PDGFC: variants seen among roughly 807,000 people sequenced by gnomAD.
PDGFC encodes the protein platelet derived growth factor C.
Under a neutral mutation model 35.5 loss-of-function variants are expected in PDGFC, and 12 were observed. The ratio of observed to expected loss-of-function variants is 0.34; its 90% CI spans 0.22 to 0.55. The LOEUF (loss-of-function observed/expected upper bound fraction) is 0.55, where lower values mean the gene tolerates loss of function less well. PDGFC is among the 20% of genes least tolerant of loss of function. The pLI, the probability that PDGFC is intolerant of heterozygous loss-of-function variation, is 0.91. For missense variants in PDGFC, 322 were observed against 412.4 expected, an observed-to-expected ratio of 0.78 and a Z score of 1.90; for synonymous variants, 159 against 148.8, an observed-to-expected ratio of 1.07 and a Z score of -0.50.
intron 1 of PDGFC, 134 bp downstream of exon 1, chr4:156,970,652 G>T: frequency 1.5e-6 from 1 of 684,508 alleles, no homozygotes; most frequent in Non-Finnish European, 2.7e-6. Context: ...GCCAATGAAC[G>T]CAGCGCACAT....
At chr4:156,773,930 C>T (rs1730752577) in intron 3 of PDGFC, among the ~76,000 whole-genome samples, 2 of 152,214 alleles carry the variant, frequency 1.3e-5, no homozygotes, top group Admixed American at 6.5e-5. Context: ...ATCGGCTCTT[C>T]CTTTTCATTC....
chr4:156,778,917 G>T (rs1730899616), intron 3 of PDGFC, among the ~76,000 whole-genome samples: 1 of 152,140 alleles, frequency 6.6e-6, no homozygotes, highest in Admixed American at 6.5e-5. Context: ...CAAAAGGTTA[G>T]GAATGCAGAT....
At chr4:156,925,497 GGCGGGTA>G (rs1731386406) in intron 1 of PDGFC, among the ~76,000 whole-genome samples, 1 of 152,094 alleles carries the variant, frequency 6.6e-6, no homozygotes, top group African/African-American at 2.4e-5. Flanking sequence ...ACATGGTACT[GGCGGGTA>G]CCTTTAAGAA....
At chr4:156,900,309 G>A (rs977013869) in intron 1 of PDGFC, among the ~76,000 whole-genome samples, 3 of 152,160 alleles carry the variant, frequency 2.0e-5, no homozygotes, top group African/African-American at 7.2e-5. Flanking sequence ...GCAATGCCAT[G>A]CATTTAATGA....
intron 1 of PDGFC, among the ~76,000 whole-genome samples, chr4:156,933,178 A>G (rs368593216): frequency 6.6e-6 from 1 of 152,212 alleles, no homozygotes; most frequent in Non-Finnish European, 1.5e-5. Flanking sequence ...CCCACAGTAG[A>G]TATCACTAGC....
intron 2 of PDGFC, among the ~76,000 whole-genome samples, chr4:156,833,611 T>C (rs912489788): frequency 2.0e-5 from 3 of 152,232 alleles, no homozygotes; most frequent in Admixed American, 6.5e-5. Context: ...TTTAGTTTTA[T>C]GATGAACAGG....
chr4:156,833,069 T>C (rs1258740615), intron 2 of PDGFC, among the ~76,000 whole-genome samples: 1 of 152,232 alleles, frequency 6.6e-6, no homozygotes, highest in Non-Finnish European at 1.5e-5. Context: ...GGTGAATTTC[T>C]GAAGGCAAAT....
rs1732575324 is a variant in PDGFC, at chr4:156,970,833, G to C, written c.71C>G (p.Ser24Cys). The stretch of plus-strand genomic sequence containing the variant: ...AAACTGGAATTTACTACTCAGGTTG[G>C]ATTCCGCCTGAGTCCCCTGTCTCTG... ...AGQRQGTQAE[S>C]NLSSKFQFSS... Residue 24 changes from serine (S) to cysteine (C), a missense_variant, in exon 1 of 6, where the codon TCC becomes TGC. By Grantham distance (112) the Ser-to-Cys change is moderately radical (BLOSUM62 -1). Coordinates refer to ENST00000502773, the MANE Select transcript of PDGFC (RefSeq NM_016205.3). 6.2e-7 allele frequency: 1 copy of C among 1,613,650 alleles called. No homozygotes were observed. The highest frequency in any genetic ancestry group is 1.7e-5 in the Admixed American group (1 of 59,996).
chr4:156,954,580 T>C (rs1732160432), intron 1 of PDGFC, among the ~76,000 whole-genome samples: 1 of 152,030 alleles, frequency 6.6e-6, no homozygotes, highest in Non-Finnish European at 1.5e-5. Context: ...GCAATAAAAC[T>C]TTATCCTAAA....
At position 156,788,490 on chromosome 4, in the gene PDGFC, T is replaced by C. The variant is rs1017031444; in HGVS notation, c.496-15597A>G. ...ACTTAGCAGGGCCAAAAATCCTTAC[T>C]TGAACTGAGCAATTGGCTGTCTTCA... On this transcript the variant is annotated intron_variant, in intron 3 of 5. Coordinates refer to ENST00000502773, the MANE Select transcript of PDGFC (RefSeq NM_016205.3). 4.6e-5 allele frequency among the ~76,000 whole-genome samples: 7 copies of C among 152,190 alleles called. 1 individual carries two copies. In the South Asian group the frequency reaches 1.4e-3, roughly 32 times the overall value.
intron 1 of PDGFC, among the ~76,000 whole-genome samples, chr4:156,885,631 C>T (rs1039169325): frequency 6.6e-6 from 1 of 152,086 alleles, no homozygotes; most frequent in Non-Finnish European, 1.5e-5. Flanking sequence ...GTGGTTCACA[C>T]CTGTAACCCC....
chr4:156,960,471 G>GTA (rs1732317189), intron 1 of PDGFC, among the ~76,000 whole-genome samples: 1 of 150,930 alleles, frequency 6.6e-6, no homozygotes, highest in South Asian at 2.1e-4. Context: ...ACGTGTGTGT[G>GTA]TGTATATCTA....
intron 2 of PDGFC, among the ~76,000 whole-genome samples, chr4:156,826,191 T>A (rs1290496102): frequency 3.4e-5 from 4 of 117,662 alleles, no homozygotes; most frequent in East Asian, 2.8e-4. Context: ...TTTTTTTTTT[T>A]TTTTTTTTTT....
At chr4:156,783,397 T>C (rs1039461407) in intron 3 of PDGFC, among the ~76,000 whole-genome samples, 3 of 152,106 alleles carry the variant, frequency 2.0e-5, no homozygotes, top group African/African-American at 7.2e-5. Context: ...AGGAGGTGCC[T>C]TGGGTTGGGA....
At chr4:156,823,334 G>C (rs771550777) in intron 2 of PDGFC, among the ~76,000 whole-genome samples, 1 of 152,128 alleles carries the variant, frequency 6.6e-6, no homozygotes, top group Non-Finnish European at 1.5e-5. Flanking sequence ...TGTAAAATGG[G>C]GAAAATATTT....
At chr4:156,938,455 T>C (rs1192558669) in intron 1 of PDGFC, among the ~76,000 whole-genome samples, 1 of 152,144 alleles carries the variant, frequency 6.6e-6, no homozygotes. Context: ...ACTTTATACA[T>C]TTTCTTGCAG....
chr4:156,929,904 T>C (rs1731511564), intron 1 of PDGFC, among the ~76,000 whole-genome samples: 1 of 152,130 alleles, frequency 6.6e-6, no homozygotes, highest in Non-Finnish European at 1.5e-5. Flanking sequence ...TGTGCAGCCC[T>C]GCTCAAAGGC....
intron 1 of PDGFC, among the ~76,000 whole-genome samples, chr4:156,893,324 A>C (rs1003837318): frequency 7.0e-6 from 1 of 142,560 alleles, no homozygotes; most frequent in African/African-American, 2.5e-5. Context: ...CAAGTAAAAA[A>C]TGCTCTAACT....
intron 3 of PDGFC, 76 bp downstream of exon 3, chr4:156,810,761 A>C (rs1731910366): frequency 3.3e-6 from 3 of 906,098 alleles, no homozygotes; most frequent in African/African-American, 3.5e-5. Context: ...TCTGATTCTC[A>C]TGTGTAAGAG....
Sources: gnomAD v4.1 joint callset for allele counts (sites outside exome capture counted in the v4.1 genomes callset) on GRCh38, gnomAD v4.1.1 for gene constraint, MANE v1.5 for transcripts, NCBI Gene and HGNC (gene_info 2026-07-23, HGNC 2026-07-21) for gene names.